Variants in TGS1 observed in about 807,000 individuals in gnomAD.
TGS1 encodes trimethylguanosine synthase 1.
Under a neutral mutation model 92.2 loss-of-function variants are expected in TGS1, and 69 were observed. The observed-to-expected ratio is 0.75, with a 90% CI of 0.62 to 0.91. The LOEUF is 0.91. Among genes scored for constraint, TGS1 ranks in the 40% least tolerant of loss-of-function variants. TGS1 has a pLI of 0.00. For missense variants in TGS1, 1,062 were observed against 1,001.2 expected, an observed-to-expected ratio of 1.06 and a Z score of -0.82; for synonymous variants, 345 against 338.1, an observed-to-expected ratio of 1.02 and a Z score of -0.22.
At chr8:55,802,392 TAAACTC>T (rs1812242452) in intron 8 of TGS1, 59 bp from the exon 9 acceptor site, 1 of 1,356,428 alleles carries the variant, frequency 7.4e-7, no homozygotes, top group Admixed American at 1.9e-5. Context: ...CATTTTTAGA[TAAACTC>T]ACCTGTGATA....
intron 8 of TGS1, 75 bp from the exon 9 acceptor site, chr8:55,802,367 TATTTGATGTGGCTTC>T: frequency 9.3e-7 from 1 of 1,080,896 alleles, no homozygotes; most frequent in South Asian, 1.5e-5. Flanking sequence ...TGCTTGTAAT[TATTTGATGTGGCTTC>T]ATTTTTAGAT....
intron 12 of TGS1, 145 bp downstream of exon 12, chr8:55,813,263 G>A (rs1803385656): frequency 1.7e-6 from 1 of 605,476 alleles, no homozygotes; most frequent in Non-Finnish European, 2.9e-6. Flanking sequence ...GGAAGTATCT[G>A]GAAGTTAGAT....
In TGS1 at chr8:55,787,032, G is replaced by A. The variant is rs746995608; in HGVS notation, c.1134G>A (p.Gly378=). 1 of 1,613,466 alleles carries A rather than the reference G, an allele frequency of 6.2e-7. No individual in the cohort carries two copies. Among genetic ancestry groups the A allele is most frequent in the Non-Finnish European group, 8.5e-7 (1 of 1,179,644 alleles). ...CCAATGAGGAAAGCAACTCATCGGG[G>A]AATACAAACACAGACCCACCAGCTG... ...GGTNEESNSS[G]NTNTDPPAED... is the part of the protein sequence containing the mutation. Residue 378 remains glycine, a synonymous_variant, in exon 4 of 13, where the codon GGG becomes GGA. Coordinates refer to ENST00000260129, the MANE Select transcript of TGS1 (RefSeq NM_024831.8).
chr8:55,788,362 C>CT (rs1189740610), intron 4 of TGS1, among the ~76,000 whole-genome samples: 1 of 151,852 alleles, frequency 6.6e-6, no homozygotes, highest in Non-Finnish European at 1.5e-5. Flanking sequence ...TGTCAACTTG[C>CT]TTTTTTTCTC....
At chr8:55,775,712 T>C (rs1002032292) in intron 1 of TGS1, among the ~76,000 whole-genome samples, 5 of 151,814 alleles carry the variant, frequency 3.3e-5, no homozygotes, top group Admixed American at 3.3e-4. Flanking sequence ...CAGTTAGATA[T>C]ATTGATTTGG....
chr8:55,775,240 GA>G (rs79673849), intron 1 of TGS1, among the ~76,000 whole-genome samples: 53,939 of 102,752 alleles, frequency 0.52, 10,255 homozygotes, highest in East Asian at 0.61. Context: ...ACTCTGTCCC[GA>G]AAAAAAAAAA....
rs528345030 is a variant in TGS1, at chr8:55,787,771, C to T, written c.1162+711C>T. Among the ~76,000 whole-genome samples, 33 of 152,326 alleles carry T rather than the reference C, an allele frequency of 2.2e-4. 1 individual carries two copies. In the South Asian group the frequency reaches 5.2e-3, roughly 24 times the overall value. On this transcript the variant is annotated intron_variant, in intron 4 of 12. Coordinates refer to ENST00000260129, the MANE Select transcript of TGS1 (RefSeq NM_024831.8). The stretch of plus-strand genomic sequence containing the variant: ...AAGAAAAGAGGTTTATTTTGGCTCA[C>T]AGTTTTGCAGGCTGTACAGGAAGCA...
intron 5 of TGS1, among the ~76,000 whole-genome samples, chr8:55,790,665 T>C (rs1811853169): frequency 6.6e-6 from 1 of 152,152 alleles, no homozygotes. Flanking sequence ...TACAGGCATG[T>C]GCCACCACTC....
At chr8:55,807,022 G>A (rs961283781) in intron 10 of TGS1, among the ~76,000 whole-genome samples, 51 of 151,116 alleles carry the variant, frequency 3.4e-4, no homozygotes, top group African/African-American at 1.7e-4. Flanking sequence ...TCCGCCTCCC[G>A]AGTGCATGCC....
At chr8:55,801,602 T>C (rs1340182749) in intron 8 of TGS1, among the ~76,000 whole-genome samples, 35 of 137,692 alleles carry the variant, frequency 2.5e-4, no homozygotes, top group Admixed American at 4.3e-4. Flanking sequence ...TTTTTTTTTT[T>C]TTTTGAGACA....
At chr8:55,791,874 A>G (rs1811894495) in intron 5 of TGS1, among the ~76,000 whole-genome samples, 1 of 152,230 alleles carries the variant, frequency 6.6e-6, no homozygotes, top group Non-Finnish European at 1.5e-5. Flanking sequence ...GTCAGATGCT[A>G]ACACTGTAAG....
chr8:55,802,011 G>T (rs1391454648), intron 8 of TGS1, among the ~76,000 whole-genome samples: 1 of 152,110 alleles, frequency 6.6e-6, no homozygotes, highest in African/African-American at 2.4e-5. Context: ...TGACTAACAC[G>T]GTGAAACCCC....
rs748139573 is a variant in TGS1 at position 55,799,033 on chromosome 8, G to A, written c.1662G>A (p.Met554Ile). The A allele has an allele frequency of 6.2e-7, 1 of 1,614,216 alleles. No homozygotes were observed. The highest frequency in any genetic ancestry group is 1.7e-5 in the Admixed American group (1 of 60,020). ...STSSDSEEQD[M>I]SVKKGDDLLE... is the part of the protein sequence containing the mutation. The stretch of plus-strand genomic sequence containing the variant: ...GTAGTGATTCAGAGGAACAAGACAT[G>A]TCTGTTAAAAAAGGTGATGACCTAC... The change falls in exon 8 of 13, where the codon ATG becomes ATA. Residue 554 changes from methionine (M) to isoleucine (I), a missense_variant. By Grantham distance (10) the Met-to-Ile change is conservative. Transcript: ENST00000260129.
At chr8:55,782,896 G>A (rs957831457) in intron 2 of TGS1, 84 bp downstream of exon 2, 33 of 851,470 alleles carry the variant, frequency 3.9e-5, no homozygotes, top group Admixed American at 3.3e-4. Context: ...TTATAATATT[G>A]TATTGATTTG....
At position 55,803,132 on chromosome 8, in the gene TGS1, T is replaced by G. The variant is rs541074397; in HGVS notation, c.1999+526T>G. 5.3e-3 allele frequency among the ~76,000 whole-genome samples: 790 copies of G among 149,282 alleles called. 9 individuals carry two copies. The highest frequency in any genetic ancestry group is 0.017 in the African/African-American group (701 of 40,428). On this transcript the variant is annotated intron_variant, in intron 9 of 12. Coordinates refer to ENST00000260129, the MANE Select transcript of TGS1 (RefSeq NM_024831.8). ...TAGGATGCCCTTCAATTTGGGGGGG[T>G]GTGTGTGTGTGTGTGTGTATTTTTA...
rs553334307 is a variant in TGS1 at position 55,807,686 on chromosome 8, C to T, written c.2143+2650C>T. ...GAGACTACAGGCACGTGCCAGTATG[C>T]CCTGCTAATTTTTTTTTTAATTTTT... On this transcript the variant is annotated intron_variant, in intron 10 of 12. Transcript: ENST00000260129. Among the ~76,000 whole-genome samples, 64 of 152,018 alleles carry T rather than the reference C, an allele frequency of 4.2e-4. 1 individual carries two copies. The Middle Eastern group carries it at 0.014, about 32-fold the overall frequency.
In TGS1 at chr8:55,790,312, A is replaced by G; in HGVS notation, c.1280+13A>G. On this transcript the variant is annotated intron_variant, in intron 5 of 12. Transcript: ENST00000260129. ...AACTGAAGAGGAGGTAAGTTACATGAGACCCCTCTCACCAGAGCGTGTTAG... is the reference window on the plus strand; with the variant it reads ...AACTGAAGAGGAGGTAAGTTACATGGGACCCCTCTCACCAGAGCGTGTTAG... 1 of 1,552,800 alleles carries G rather than the reference A, an allele frequency of 6.4e-7. No homozygotes were observed. The highest frequency in any genetic ancestry group is 1.1e-5 in the South Asian group (1 of 89,834).
intron 12 of TGS1, among the ~76,000 whole-genome samples, chr8:55,822,712 G>A (rs1271494555): frequency 6.6e-6 from 1 of 151,700 alleles, no homozygotes; most frequent in African/African-American, 2.4e-5. Flanking sequence ...AAAATAGTGG[G>A]GGGGGTGCTT....
chr8:55,802,479 C>G lies in TGS1; in HGVS notation c.1872C>G (p.Asn624Lys), dbSNP rs138205448. ...ETEAEVKKKK[N>K]KKKNKKVNGL... is the part of the protein sequence containing the mutation. The stretch of plus-strand genomic sequence containing the variant: ...TAGCTGAAGTGAAAAAGAAGAAGAA[C>G]AAGAAGAAGAACAAAAAGGTGAATG... Residue 624 changes from asparagine (N) to lysine (K), a missense_variant, in exon 9 of 13, where the codon AAC (asparagine) becomes AAG (lysine). Physicochemically the swap from Asn to Lys is moderately conservative, Grantham distance 94 (BLOSUM62 0). Transcript: ENST00000260129. 71 of 1,613,392 alleles carry G rather than the reference C, an allele frequency of 4.4e-5. No homozygotes were observed. The highest frequency in any genetic ancestry group is 1.1e-4 in the South Asian group (10 of 90,974).
Sources: allele counts gnomAD v4.1 joint callset (sites outside exome capture counted in the v4.1 genomes callset), GRCh38; gene constraint gnomAD v4.1.1; transcripts MANE v1.5; gene names NCBI Gene and HGNC (gene_info 2026-07-23, HGNC 2026-07-21).